CNDP1: variants seen among roughly 807,000 people sequenced by gnomAD.
The protein encoded by CNDP1 is beta-Ala-His dipeptidase.
In CNDP1, 44 loss-of-function variants were observed where a neutral mutation model predicts 58.1. That is an observed-to-expected ratio of 0.76 (90% CI 0.60 to 0.97). The LOEUF is 0.97. CNDP1 is among the 50% of genes least tolerant of loss of function. CNDP1 has a pLI of 0.00. For synonymous variants in CNDP1, 254 were observed against 252.6 expected, an observed-to-expected ratio of 1.01 and a Z score of -0.05; for missense variants, 616 against 655.1, an observed-to-expected ratio of 0.94 and a Z score of 0.65.
In CNDP1 at chr18:74,559,239, C is replaced by T. The variant is rs1231178362; in HGVS notation, c.154-84C>T. 19 of 1,383,706 alleles carry T rather than the reference C, an allele frequency of 1.4e-5. 1 individual carries two copies. The highest frequency in any genetic ancestry group is 2.0e-4 in the Middle Eastern group (1 of 5,004). The allele number at this position is 1,383,706 out of a possible 1,614,324, so 85.7% of individuals were successfully genotyped here. On this transcript the variant is annotated intron_variant, in intron 2 of 11. Coordinates refer to ENST00000358821, the MANE Select transcript of CNDP1 (RefSeq NM_032649.6). ...ATCAACAGAAAAGTACCTGGGGACT[C>T]GCTGTCTCCTGCCCTCCCTTCGCTC...
At chr18:74,577,142 C>A in intron 8 of CNDP1, 113 bp downstream of exon 8, 1 of 999,558 alleles carries the variant, frequency 1.0e-6, no homozygotes, top group Non-Finnish European at 1.4e-6. Context: ...GAATCCAAAG[C>A]AGATGTGAAT....
intron 1 of CNDP1, among the ~76,000 whole-genome samples, chr18:74,555,338 C>G (rs1448435332): frequency 6.6e-6 from 1 of 152,134 alleles, no homozygotes; most frequent in Non-Finnish European, 1.5e-5. Context: ...CGTAGGCGGT[C>G]TGACCAAGGG....
rs560818440 is a variant in CNDP1, at chr18:74,556,812, A to G, written c.153+346A>G. Among the ~76,000 whole-genome samples the G allele has an allele frequency of 3.3e-5, 5 of 152,372 alleles. No individual in the cohort carries two copies. The East Asian group carries it at 9.6e-4, about 29-fold the overall frequency. On this transcript the variant is annotated intron_variant, in intron 2 of 11. Coordinates refer to ENST00000358821, the MANE Select transcript of CNDP1 (RefSeq NM_032649.6). ...CCTGACGTTATTGTAAGGCCTGGGC[A>G]GAGCTGGGGAGCCAGGGAGCTCTGC...
intron 1 of CNDP1, among the ~76,000 whole-genome samples, chr18:74,546,088 G>A (rs1850499701): frequency 6.6e-6 from 1 of 152,172 alleles, no homozygotes; most frequent in African/African-American, 2.4e-5. Flanking sequence ...AGAAATAACT[G>A]AAATCACTGG....
chr18:74,540,531 G>A (rs748579057), intron 1 of CNDP1, among the ~76,000 whole-genome samples: 19 of 152,296 alleles, frequency 1.2e-4, no homozygotes, highest in Non-Finnish European at 2.2e-4. Flanking sequence ...CCCCCTGTAT[G>A]TGACATAAGA....
At chr18:74,534,959 GA>G (rs1980449804) in intron 1 of CNDP1, among the ~76,000 whole-genome samples, 1 of 152,204 alleles carries the variant, frequency 6.6e-6, no homozygotes, top group African/African-American at 2.4e-5. Context: ...AATTGTTCAT[GA>G]ACTCAGTCTT....
intron 4 of CNDP1, 71 bp from the exon 5 acceptor site, chr18:74,561,976 C>T (rs1164272499): frequency 1.4e-5 from 18 of 1,286,160 alleles, no homozygotes; most frequent in East Asian, 4.6e-5. Flanking sequence ...ACCCATGAAA[C>T]GACATTGGTT....
chr18:74,556,299 T>C (rs889973673), intron 1 of CNDP1, 39 bp from the exon 2 acceptor site: 1 of 1,600,266 alleles, frequency 6.2e-7, no homozygotes, highest in East Asian at 2.2e-5. Context: ...GCAACTGGCA[T>C]TGATTTTCAT....
At chr18:74,554,994 T>A (rs1980999695) in intron 1 of CNDP1, among the ~76,000 whole-genome samples, 1 of 152,062 alleles carries the variant, frequency 6.6e-6, no homozygotes, top group Non-Finnish European at 1.5e-5. Flanking sequence ...AAGGATGCTC[T>A]TGAGCACATC....
At position 74,576,836 on chromosome 18, in the gene CNDP1, T is replaced by C. The variant is rs200443783; in HGVS notation, c.842-33T>C. The C allele has an allele frequency of 6.3e-6, 10 of 1,586,242 alleles. No homozygotes were observed. The East Asian group carries it at 2.0e-4, about 32-fold the overall frequency. ...ACCACAACATTGGCACACTCCTTTCTACCTGGCTTTGTTTTCTGTGTGTGT... is the reference window on the plus strand; with the variant it reads ...ACCACAACATTGGCACACTCCTTTCCACCTGGCTTTGTTTTCTGTGTGTGT... On this transcript the variant is annotated intron_variant, in intron 7 of 11. Transcript: ENST00000358821.
chr18:74,585,909 G>A lies in CNDP1; in HGVS notation c.*1347G>A, dbSNP rs111997848. 0.13 allele frequency: 19,509 copies of A among 147,040 alleles called. 1,709 individuals are homozygous for A. Among genetic ancestry groups the A allele is most frequent in the African/African-American group, 0.25 (10,056 of 39,856 alleles). The allele number at this position is 147,040 out of a possible 1,614,324, so 9.1% of individuals were successfully genotyped here. A position where few individuals can be genotyped will look rare whatever the true frequency, so the allele number is the denominator to read the frequency against. On this transcript the variant is annotated 3_prime_UTR_variant, in exon 12 of 12. Transcript: ENST00000358821. ...CTCGGGAGGCTGAGGCAGGAGAATC[G>A]CTTGAACCCAGGAGGCGGAAGTTGC... is the stretch of plus-strand genomic sequence containing the variant.
intron 1 of CNDP1, among the ~76,000 whole-genome samples, chr18:74,554,266 T>A (rs1980981217): frequency 6.6e-6 from 1 of 152,216 alleles, no homozygotes; most frequent in African/African-American, 2.4e-5. Context: ...AGCTGAAAAG[T>A]TCTTGAAGCC....
chr18:74,572,131 G>T (rs1981494097), intron 7 of CNDP1, among the ~76,000 whole-genome samples: 1 of 152,032 alleles, frequency 6.6e-6, no homozygotes, highest in Non-Finnish European at 1.5e-5. Context: ...GCCCCGAGTG[G>T]CACAGCGACG....
intron 6 of CNDP1, among the ~76,000 whole-genome samples, chr18:74,570,283 G>C (rs185865313): frequency 3.3e-5 from 5 of 151,472 alleles, no homozygotes; most frequent in Non-Finnish European, 5.9e-5. Context: ...ACAGGTTAAT[G>C]AACCAGTCCA....
chr18:74,559,288 C>T, intron 2 of CNDP1, 35 bp from the exon 3 acceptor site: 1 of 1,612,896 alleles, frequency 6.2e-7, no homozygotes, highest in Non-Finnish European at 8.5e-7. Flanking sequence ...GATGTGGGAC[C>T]CCAATGCTAA....
At chr18:74,574,449 G>C (rs1981576841) in intron 7 of CNDP1, among the ~76,000 whole-genome samples, 2 of 152,160 alleles carry the variant, frequency 1.3e-5, no homozygotes, top group African/African-American at 4.8e-5. Context: ...AAACAGAAAA[G>C]GCCATTGTAC....
intron 7 of CNDP1, chr18:74,576,555 A>G: frequency 3.6e-6 from 1 of 281,132 alleles, no homozygotes; most frequent in Non-Finnish European, 6.6e-6. Context: ...TAAAAGGCAT[A>G]GCTGAGAACG....
At chr18:74,568,265 G>A (rs542902362) in intron 6 of CNDP1, among the ~76,000 whole-genome samples, 40 of 152,326 alleles carry the variant, frequency 2.6e-4, no homozygotes, top group South Asian at 6.2e-4. Context: ...ATGGCTATGC[G>A]TGTGAAAAAC....
At chr18:74,538,385 A>G (rs1194025056) in intron 1 of CNDP1, among the ~76,000 whole-genome samples, 2 of 152,248 alleles carry the variant, frequency 1.3e-5, no homozygotes. Flanking sequence ...TTCATGGCCA[A>G]ATAATACTCC....
Sources: allele counts gnomAD v4.1 joint callset (sites outside exome capture counted in the v4.1 genomes callset), GRCh38; gene constraint gnomAD v4.1.1; transcripts MANE v1.5; gene names NCBI Gene and HGNC (gene_info 2026-07-23, HGNC 2026-07-21).